SLC38A8: variants seen among roughly 807,000 people sequenced by gnomAD.
SLC38A8 encodes the protein amino acid transporter SLC38A8.
In SLC38A8, 65 loss-of-function variants were observed where a neutral mutation model predicts 46.0. The observed-to-expected ratio is 1.41, with a 90% CI of 1.16 to 1.74. The LOEUF is 1.74. SLC38A8 is among the 40% of genes most tolerant of loss of function. SLC38A8 has a pLI of 0.00. For synonymous variants in SLC38A8, 447 were observed against 243.7 expected, an observed-to-expected ratio of 1.83 and a Z score of -7.77; for missense variants, 998 against 567.9, an observed-to-expected ratio of 1.76 and a Z score of -7.70.
intron 3 of SLC38A8, among the ~76,000 whole-genome samples, chr16:84,034,292 TCCAGGCACA>T (rs963885806): frequency 1.3e-5 from 2 of 152,208 alleles, no homozygotes; most frequent in African/African-American, 4.8e-5. Flanking sequence ...GACAAAGCCA[TCCAGGCACA>T]CCTAATTCAA....
chr16:84,026,153 T>C (rs1370750349), intron 6 of SLC38A8, among the ~76,000 whole-genome samples: 1 of 152,056 alleles, frequency 6.6e-6, no homozygotes, highest in Admixed American at 6.5e-5. Flanking sequence ...AGACAGTTAG[T>C]AGTGCCAGAC....
chr16:84,026,962 A>C (rs1264510842), intron 6 of SLC38A8, among the ~76,000 whole-genome samples: 1 of 152,192 alleles, frequency 6.6e-6, no homozygotes, highest in East Asian at 1.9e-4. Flanking sequence ...TGATGGTTGC[A>C]CAGCTCTGAC....
chr16:84,013,424 G>GTTTTTTTTTTT (rs1221293803), intron 9 of SLC38A8, among the ~76,000 whole-genome samples: 2 of 64,046 alleles, frequency 3.1e-5, no homozygotes, highest in African/African-American at 7.9e-5. Flanking sequence ...TTGTGTGTGT[G>GTTTTTTTTTTT]TTTTTTTTTT....
chr16:84,033,798 G>C (rs1164494026), intron 3 of SLC38A8, among the ~76,000 whole-genome samples: 2 of 152,150 alleles, frequency 1.3e-5, no homozygotes, highest in Non-Finnish European at 2.9e-5. Flanking sequence ...GTTTCGTTCG[G>C]GAACTCAATA....
intron 5 of SLC38A8, among the ~76,000 whole-genome samples, chr16:84,030,075 G>A (rs1047805991): frequency 1.4e-4 from 21 of 152,160 alleles, no homozygotes; most frequent in African/African-American, 4.6e-4. Context: ...ATGAAGTCAT[G>A]GTGGATTAGG....
At position 84,017,141 on chromosome 16, in the gene SLC38A8, T is replaced by A. The variant is rs768471663; in HGVS notation, c.952A>T (p.Arg318Trp). 1.9e-6 allele frequency: 3 copies of A among 1,613,432 alleles called. No homozygotes were observed. The Admixed American group carries it at 5.0e-5, about 27-fold the overall frequency. ...GCCCCCCACTGAGCCAGGCCTCACC[T>A]CCCCAGGAAGAGCACGATGGGGTAG... ...TVYPIVLFLG[R>W]SVMQDFWRRS... The change falls in exon 8 of 11, where the codon AGG (arginine) becomes TGG (tryptophan). Residue 318 changes from arginine (R) to tryptophan (W), a missense_variant and splice_region_variant. Transcript: ENST00000299709.
At chr16:84,014,527 G>A (rs995250621) in intron 9 of SLC38A8, among the ~76,000 whole-genome samples, 2 of 151,928 alleles carry the variant, frequency 1.3e-5, no homozygotes, top group Admixed American at 1.3e-4. Flanking sequence ...CAAGGGAGAA[G>A]CCACATGGCC....
At chr16:84,031,789 T>G in intron 5 of SLC38A8, 78 bp downstream of exon 5, 1 of 1,237,608 alleles carries the variant, frequency 8.1e-7, no homozygotes, top group Non-Finnish European at 1.2e-6. Flanking sequence ...GAGAGGCTCC[T>G]CCTCCAAGAC....
In SLC38A8 at chr16:84,017,251, G is replaced by A. The variant is rs1296634134; in HGVS notation, c.842C>T (p.Ser281Phe). 10 of 1,614,000 alleles carry A rather than the reference G, an allele frequency of 6.2e-6. No individual in the cohort carries two copies. Among genetic ancestry groups the A allele is most frequent in the Admixed American group, 1.7e-5 (1 of 59,984 alleles). Residue 281 changes from serine (S) to phenylalanine (F), a missense_variant, in exon 8 of 11, where the codon TCT becomes TTT. By Grantham distance (155) the Ser-to-Phe change is radical. Transcript: ENST00000299709. ...YGFLTFGTEVSADVLMSYPGN... is the reference protein window; with the variant it reads ...YGFLTFGTEVFADVLMSYPGN... ...TGGGTAGGACATCAAGACGTCAGCAGAAACTTCTGTCCCAAAAGTCAGGAA... is the reference window on the plus strand; with the variant it reads ...TGGGTAGGACATCAAGACGTCAGCAAAAACTTCTGTCCCAAAAGTCAGGAA...
At chr16:84,040,992 A>G (rs947942219) in intron 2 of SLC38A8, 7 of 152,282 alleles carry the variant, frequency 4.6e-5, no homozygotes, top group African/African-American at 1.7e-4. Context: ...CTCAGGGCAC[A>G]CAAACGGTTG....
chr16:84,022,190 C>A (rs1274775803), intron 7 of SLC38A8, among the ~76,000 whole-genome samples: 1 of 152,154 alleles, frequency 6.6e-6, no homozygotes, highest in East Asian at 1.9e-4. Context: ...CAAGAGCTTC[C>A]TAGACTGGAG....
At chr16:84,036,508 T>A (rs953758172) in intron 3 of SLC38A8, among the ~76,000 whole-genome samples, 194 bp downstream of exon 3, 1 of 152,250 alleles carries the variant, frequency 6.6e-6, no homozygotes, top group South Asian at 2.1e-4. Flanking sequence ...TGTGTGCCCA[T>A]GACTGTCACC....
intron 10 of SLC38A8, 78 bp from the exon 11 acceptor site, chr16:84,009,955 T>TA: frequency 7.9e-7 from 1 of 1,269,550 alleles, no homozygotes; most frequent in Non-Finnish European, 1.1e-6. Context: ...AAAAATTCAC[T>TA]ATGTAGAGCC....
chr16:84,022,795 C>T lies in SLC38A8; in HGVS notation c.785G>A (p.Cys262Tyr). Residue 262 changes from cysteine (C) to tyrosine (Y), a missense_variant, in exon 7 of 11, where the codon TGC becomes TAC. Physicochemically the swap from Cys to Tyr is radical, Grantham distance 194. Coordinates refer to ENST00000299709, the MANE Select transcript of SLC38A8 (RefSeq NM_001080442.3). Reference sequence around the variant, plus strand: ...CTTACCCGTCAGTGAATAGATGAGGCAGCAGGCCAGCAAGGACAGCACAGA... The same window carrying T: ...CTTACCCGTCAGTGAATAGATGAGGTAGCAGGCCAGCAAGGACAGCACAGA... ...LVSVLSLLAC[C>Y]LIYSLTGVYG... The T allele has an allele frequency of 1.2e-6, 2 of 1,614,076 alleles. No homozygotes were observed. Among genetic ancestry groups the T allele is most frequent in the Non-Finnish European group, 1.7e-6 (2 of 1,179,982 alleles).
chr16:84,040,733 G>A (rs1025431529), intron 2 of SLC38A8, among the ~76,000 whole-genome samples: 3 of 152,120 alleles, frequency 2.0e-5, no homozygotes, highest in African/African-American at 7.2e-5. Flanking sequence ...CACCTCCTCC[G>A]AGAGGCTTCC....
rs147388071 is a variant in SLC38A8 at position 84,021,861 on chromosome 16, G to A, written c.805+914C>T. 9.5e-4 allele frequency among the ~76,000 whole-genome samples: 145 copies of A among 152,342 alleles called. 2 individuals are homozygous for A. In the East Asian group the frequency reaches 0.014, roughly 15 times the overall value. On this transcript the variant is annotated intron_variant, in intron 7 of 10. Transcript: ENST00000299709. Reference sequence around the variant, plus strand: ...TACATCTGGGGAGAGCCTTCTTGCCGGAGGGGACTTTGCAGAGCCCTGAAG... The same window carrying A: ...TACATCTGGGGAGAGCCTTCTTGCCAGAGGGGACTTTGCAGAGCCCTGAAG...
At chr16:84,039,077 T>C (rs971716516) in intron 2 of SLC38A8, among the ~76,000 whole-genome samples, 4 of 152,172 alleles carry the variant, frequency 2.6e-5, no homozygotes, top group East Asian at 3.9e-4. Context: ...CATTGAGGTA[T>C]GTCCTTGTAG....
At chr16:84,025,865 G>A (rs780128549) in intron 6 of SLC38A8, among the ~76,000 whole-genome samples, 29 of 152,230 alleles carry the variant, frequency 1.9e-4, no homozygotes, top group East Asian at 3.9e-4. Context: ...CCTGCTCTCT[G>A]GCCCCAGGTT....
At chr16:84,024,543 G>A (rs1295074723) in intron 6 of SLC38A8, among the ~76,000 whole-genome samples, 2 of 152,066 alleles carry the variant, frequency 1.3e-5, no homozygotes, top group Non-Finnish European at 2.9e-5. Flanking sequence ...CACTTTGGGA[G>A]GCCAAGGCGT....
Sources: allele counts gnomAD v4.1 joint callset (sites outside exome capture counted in the v4.1 genomes callset), GRCh38; gene constraint gnomAD v4.1.1; transcripts MANE v1.5; gene names NCBI Gene and HGNC (gene_info 2026-07-23, HGNC 2026-07-21).